Variants in PALM2AKAP2 observed in about 807,000 individuals in gnomAD.
PALM2AKAP2 encodes PALM2-AKAP2 fusion protein.
In PALM2AKAP2, 37 loss-of-function variants were observed where a neutral mutation model predicts 71.5. That is an observed-to-expected ratio of 0.52 (90% CI 0.40 to 0.68). The LOEUF is 0.68. Ranked by LOEUF, PALM2AKAP2 falls within the 30% of genes least tolerant of loss-of-function variation. PALM2AKAP2 has a pLI of 0.00. For synonymous variants in PALM2AKAP2, 468 were observed against 478.8 expected (o/e 0.98, Z 0.29); for missense variants, 1,224 against 1,191.8 (o/e 1.03, Z -0.40).
intron 1 of PALM2AKAP2, among the ~76,000 whole-genome samples, chr9:110,086,732 C>G (rs1235021983): frequency 6.6e-6 from 1 of 152,246 alleles, no homozygotes; most frequent in Non-Finnish European, 1.5e-5. Context: ...TTTTCCATCC[C>G]TGTCCTACAG....
At chr9:109,736,919 A>G (rs1828645141) in intron 1 of PALM2AKAP2, among the ~76,000 whole-genome samples, 1 of 152,252 alleles carries the variant, frequency 6.6e-6, no homozygotes, top group Admixed American at 6.5e-5. Context: ...GGAAATAGAT[A>G]GCCTTAAGGA....
At position 109,920,718 on chromosome 9, in the gene PALM2AKAP2, T is replaced by TCTC. The variant is rs933785290; in HGVS notation, c.258-3017_258-3016insCTC. On this transcript the variant is annotated intron_variant, in intron 3 of 9. Coordinates refer to the PALM2AKAP2 transcript ENST00000302798. ...TCTACTGCACACCCTAAATATCTGC[T>TCTC]AAAGTACTCTGTACTTTGAGATTTA... Among the ~76,000 whole-genome samples, 72 of 152,058 alleles carry TCTC rather than the reference T, an allele frequency of 4.7e-4. 1 individual carries two copies. Among genetic ancestry groups the TCTC allele is most frequent in the Non-Finnish European group, 1.8e-4 (12 of 68,006 alleles).
chr9:109,741,726 AAACATT>A (rs1217228230), intron 1 of PALM2AKAP2, among the ~76,000 whole-genome samples: 1 of 152,248 alleles, frequency 6.6e-6, no homozygotes, highest in Admixed American at 6.5e-5. Flanking sequence ...TTTCTCGTAG[AAACATT>A]ATAGGTCTTA....
chr9:109,727,579 C>T (rs1828494531), intron 1 of PALM2AKAP2, among the ~76,000 whole-genome samples: 1 of 152,104 alleles, frequency 6.6e-6, no homozygotes, highest in African/African-American at 2.4e-5. Flanking sequence ...GTAGAGATGA[C>T]AATAATCAAG....
Position 110,112,990 on chromosome 9 carries a change from G to A in PALM2AKAP2, c.157-23137G>A, listed in dbSNP as rs577676094. 5.3e-5 allele frequency among the ~76,000 whole-genome samples: 8 copies of A among 152,228 alleles called. No homozygotes were observed. In the East Asian group the frequency reaches 7.7e-4, roughly 15 times the overall value. ...GTTGCTAATGCCTTTGAGGACTCTCGGGCTCTTTGTTCCTTCTCCAGTTTG... is the reference window on the plus strand; with the variant it reads ...GTTGCTAATGCCTTTGAGGACTCTCAGGCTCTTTGTTCCTTCTCCAGTTTG... On this transcript the variant is annotated intron_variant, in intron 1 of 3. Coordinates refer to ENST00000374525, the Ensembl canonical transcript of PALM2AKAP2.
At chr9:109,747,908 C>T (rs1487283619) in intron 1 of PALM2AKAP2, among the ~76,000 whole-genome samples, 2 of 152,134 alleles carry the variant, frequency 1.3e-5, no homozygotes, top group East Asian at 3.9e-4. Context: ...TGAGCTGAAG[C>T]GATCTGCCTG....
chr9:109,874,602 A>G (rs986500966), intron 2 of PALM2AKAP2, among the ~76,000 whole-genome samples: 1 of 152,230 alleles, frequency 6.6e-6, no homozygotes, highest in African/African-American at 2.4e-5. Flanking sequence ...TGACTGCCAA[A>G]TTGAGAATCC....
intron 1 of PALM2AKAP2, chr9:109,771,951 C>T (rs1016573459): frequency 6.6e-6 from 1 of 152,214 alleles, no homozygotes; most frequent in Non-Finnish European, 1.5e-5. Flanking sequence ...ACTGGCATGA[C>T]CCTCCAATAG....
chr9:109,727,142 C>A (rs995261965), intron 1 of PALM2AKAP2, among the ~76,000 whole-genome samples: 1 of 152,168 alleles, frequency 6.6e-6, no homozygotes, highest in Non-Finnish European at 1.5e-5. Context: ...TTAAATTATT[C>A]TTGTTTTCTT....
At chr9:109,802,694 GACC>G (rs1827466131) in intron 1 of PALM2AKAP2, among the ~76,000 whole-genome samples, 1 of 152,178 alleles carries the variant, frequency 6.6e-6, no homozygotes, top group Non-Finnish European at 1.5e-5. Flanking sequence ...GTCTGGAAGT[GACC>G]CACATCATTC....
At chr9:110,024,750 C>G in intron 7 of PALM2AKAP2, 1 of 603,500 alleles carries the variant, frequency 1.7e-6, no homozygotes, top group Non-Finnish European at 2.9e-6. Flanking sequence ...TGTCACTGCA[C>G]TCTATCCTGG....
At position 110,005,682 on chromosome 9, in the gene PALM2AKAP2, A is replaced by G. The variant is rs183438633; in HGVS notation, c.497-10272A>G. On this transcript the variant is annotated intron_variant, in intron 6 of 9. Coordinates refer to the PALM2AKAP2 transcript ENST00000302798. ...GGTGCGGTGGGCTCCACCCAGTTCA[A>G]GCTTCCTGGCTGCTTTGTTTACCTA... Among the ~76,000 whole-genome samples the G allele has an allele frequency of 9.1e-3, 1,385 of 152,288 alleles. 24 individuals are homozygous for G. The highest frequency in any genetic ancestry group is 0.031 in the African/African-American group (1,299 of 41,564).
At chr9:110,023,711 G>A (rs980106726) in intron 7 of PALM2AKAP2, among the ~76,000 whole-genome samples, 18 of 152,036 alleles carry the variant, frequency 1.2e-4, no homozygotes, top group Non-Finnish European at 2.5e-4. Context: ...ATAGATGTCG[G>A]GCAGGTGTGG....
At chr9:109,738,957 T>C (rs972793003) in intron 1 of PALM2AKAP2, among the ~76,000 whole-genome samples, 1 of 152,258 alleles carries the variant, frequency 6.6e-6, no homozygotes, top group Admixed American at 6.5e-5. Flanking sequence ...CTCTCAGAAT[T>C]TCCATTTGGC....
At chr9:109,874,008 A>G (rs1231724441) in intron 2 of PALM2AKAP2, among the ~76,000 whole-genome samples, 1 of 152,188 alleles carries the variant, frequency 6.6e-6, no homozygotes, top group East Asian at 1.9e-4. Context: ...AAGTAAGAAA[A>G]GTGACTTCAT....
chr9:109,741,063 T>C (rs1454697698), intron 1 of PALM2AKAP2, among the ~76,000 whole-genome samples: 1 of 152,244 alleles, frequency 6.6e-6, no homozygotes, highest in Non-Finnish European at 1.5e-5. Flanking sequence ...TTTTATACTC[T>C]GCAACTATCA....
At chr9:109,928,949 G>A (rs1831023776) in intron 5 of PALM2AKAP2, among the ~76,000 whole-genome samples, 1 of 152,088 alleles carries the variant, frequency 6.6e-6, no homozygotes, top group African/African-American at 2.4e-5. Context: ...TTACAGGTGT[G>A]AGCTACTGCG....
intron 3 of PALM2AKAP2, among the ~76,000 whole-genome samples, chr9:109,913,892 G>A (rs1001635092): frequency 6.6e-6 from 1 of 151,434 alleles, no homozygotes; most frequent in Admixed American, 6.6e-5. Flanking sequence ...GAGTTGCTGG[G>A]ACTACAGGCG....
intron 3 of PALM2AKAP2, among the ~76,000 whole-genome samples, chr9:109,918,688 A>G (rs570513806): frequency 6.1e-4 from 93 of 152,318 alleles, no homozygotes; most frequent in Non-Finnish European, 1.1e-3. Flanking sequence ...GTTCCTTGCG[A>G]AGCTGCTTTG....
Sources: gnomAD v4.1 joint callset for allele counts (sites outside exome capture counted in the v4.1 genomes callset) on GRCh38, gnomAD v4.1.1 for gene constraint, MANE v1.5 for transcripts, NCBI Gene and HGNC (gene_info 2026-07-23, HGNC 2026-07-21) for gene names.